Variants in PSMA6 observed in about 807,000 individuals in gnomAD.
PSMA6 encodes proteasome subunit alpha type-6.
For synonymous variants in PSMA6, 88 were observed against 97.7 expected, an observed-to-expected ratio of 0.90 and a Z score of 0.59; for missense variants, 170 against 294.8, an observed-to-expected ratio of 0.58 and a Z score of 3.10.
intron 1 of PSMA6, among the ~76,000 whole-genome samples, chr14:35,294,699 GC>G (rs932415879): frequency 6.6e-6 from 1 of 151,600 alleles, no homozygotes; most frequent in Admixed American, 6.6e-5. Flanking sequence ...TGATTCTTTG[GC>G]CCCCCCTTTT....
At chr14:35,295,064 G>A (rs1267538132) in intron 1 of PSMA6, among the ~76,000 whole-genome samples, 1 of 152,176 alleles carries the variant, frequency 6.6e-6, no homozygotes, top group Admixed American at 6.5e-5. Context: ...TTGGCCAGGT[G>A]CAGTGCCTCA....
intron 1 of PSMA6, among the ~76,000 whole-genome samples, chr14:35,293,830 A>C (rs1304987114): frequency 6.6e-6 from 1 of 152,194 alleles, no homozygotes; most frequent in African/African-American, 2.4e-5. Flanking sequence ...TCCATTCGTG[A>C]TTTTTAATAT....
intron 1 of PSMA6, among the ~76,000 whole-genome samples, chr14:35,297,379 C>A (rs2051617784): frequency 6.6e-6 from 1 of 151,714 alleles, no homozygotes; most frequent in East Asian, 1.9e-4. Flanking sequence ...CCGAGCCCAG[C>A]TAATTTTTTA....
upstream of PSMA6, among the ~76,000 whole-genome samples, chr14:35,287,449 A>C (rs1266664975): frequency 6.6e-6 from 1 of 152,094 alleles, no homozygotes; most frequent in Non-Finnish European, 1.5e-5. Context: ...GCTCACTGAA[A>C]CTGCCGGCAG....
chr14:35,306,910 G>T (rs530299628), intron 1 of PSMA6, among the ~76,000 whole-genome samples: 1 of 152,156 alleles, frequency 6.6e-6, no homozygotes, highest in Non-Finnish European at 1.5e-5. Flanking sequence ...ACTTTGGGAG[G>T]CCGAGGTGGG....
intron 1 of PSMA6, 142 bp from the exon 2 acceptor site, chr14:35,307,852 T>C: frequency 1.5e-6 from 1 of 659,732 alleles, no homozygotes; most frequent in Non-Finnish European, 2.5e-6. Flanking sequence ...ATTATTATTA[T>C]TTTGACTTTG....
chr14:35,306,098 A>G (rs1206507173), intron 1 of PSMA6, among the ~76,000 whole-genome samples: 1 of 151,596 alleles, frequency 6.6e-6, no homozygotes, highest in African/African-American at 2.4e-5. Context: ...GTGTGGTGGT[A>G]TACACCTGTG....
At chr14:35,299,131 A>G (rs1408073923) in intron 1 of PSMA6, among the ~76,000 whole-genome samples, 2 of 152,060 alleles carry the variant, frequency 1.3e-5, no homozygotes, top group Non-Finnish European at 2.9e-5. Context: ...CACTCAAGAA[A>G]TTCTCCTGCC....
intron 1 of PSMA6, 74 bp from the exon 2 acceptor site, chr14:35,307,906 CTTTCTCATTCTTTT>C: frequency 7.9e-7 from 1 of 1,270,838 alleles, no homozygotes; most frequent in Non-Finnish European, 1.1e-6. Flanking sequence ...TCATGTAGCT[CTTTCTCATTCTTTT>C]TAATGACTAT....
chr14:35,313,151 C>T, intron 5 of PSMA6, 92 bp downstream of exon 5: 2 of 1,185,968 alleles, frequency 1.7e-6, no homozygotes, highest in East Asian at 2.8e-5. Flanking sequence ...TCCTGAATTA[C>T]ATCCCAGGAT....
intron 5 of PSMA6, 88 bp from the exon 6 acceptor site, chr14:35,314,273 T>C (rs914994016): frequency 1.5e-6 from 2 of 1,335,332 alleles, no homozygotes; most frequent in Non-Finnish European, 2.0e-6. Context: ...GAGCTCCTGA[T>C]TGACTCATGA....
At chr14:35,305,198 G>A (rs998008602) in intron 1 of PSMA6, among the ~76,000 whole-genome samples, 18 of 150,204 alleles carry the variant, frequency 1.2e-4, no homozygotes, top group Admixed American at 3.3e-4. Context: ...GCTGGAGTAC[G>A]GTGGTGTGAG....
chr14:35,315,780 T>C (rs775567090), intron 6 of PSMA6: 6 of 152,130 alleles, frequency 3.9e-5, no homozygotes, highest in Non-Finnish European at 7.4e-5. Context: ...GTTCTTGTTT[T>C]CTTTTCTGTT....
Position 35,317,313 on chromosome 14 carries a change from T to C in PSMA6, c.*7T>C. The C allele has an allele frequency of 6.2e-7, 1 of 1,602,908 alleles. No homozygotes were observed. Among genetic ancestry groups the C allele is most frequent in the Non-Finnish European group, 8.5e-7 (1 of 1,171,176 alleles). ...TCTAGCAGAGAGAGACTAAACATTG[T>C]CGTTAGTTTACCAGATCCGTGATGC... On this transcript the variant is annotated 3_prime_UTR_variant, in exon 7 of 7. Transcript: ENST00000261479.
chr14:35,308,131 G>T, intron 2 of PSMA6, 43 bp downstream of exon 2: 1 of 1,602,730 alleles, frequency 6.2e-7, no homozygotes, highest in Non-Finnish European at 8.5e-7. Context: ...CAGAATATAA[G>T]AATTTTTCAG....
upstream of PSMA6, among the ~76,000 whole-genome samples, chr14:35,291,340 C>G (rs1007621544): frequency 5.9e-5 from 9 of 152,056 alleles, no homozygotes; most frequent in African/African-American, 2.2e-4. Flanking sequence ...GCCTCAGCCT[C>G]CCAAGTATAT....
chr14:35,303,344 T>C (rs539573572), intron 1 of PSMA6, among the ~76,000 whole-genome samples: 1 of 152,278 alleles, frequency 6.6e-6, no homozygotes, highest in East Asian at 1.9e-4. Flanking sequence ...GCAGTGTTTA[T>C]ATATAGAAGT....
chr14:35,305,743 C>T (rs1366240468), intron 1 of PSMA6, among the ~76,000 whole-genome samples: 1 of 152,118 alleles, frequency 6.6e-6, no homozygotes, highest in Non-Finnish European at 1.5e-5. Context: ...AAGTTATCTT[C>T]TGTGTTTTCA....
intron 1 of PSMA6, among the ~76,000 whole-genome samples, chr14:35,285,441 T>C (rs2051413404): frequency 6.6e-6 from 1 of 152,072 alleles, no homozygotes; most frequent in Non-Finnish European, 1.5e-5. Context: ...ACTGAAAATA[T>C]TGGTCAAAAT....
Sources: allele counts gnomAD v4.1 joint callset (sites outside exome capture counted in the v4.1 genomes callset), GRCh38; gene constraint gnomAD v4.1.1; transcripts MANE v1.5; gene names NCBI Gene and HGNC (gene_info 2026-07-23, HGNC 2026-07-21).